The following PITPNC1 variants were observed in gnomAD, a reference collection of about 807,000 sequenced individuals.
PITPNC1 encodes cytoplasmic phosphatidylinositol transfer protein 1.
PITPNC1 carries 18 observed loss-of-function variants against 44.7 expected under a neutral mutation model. That is an observed-to-expected ratio of 0.40 (90% CI 0.28 to 0.60). The LOEUF (loss-of-function observed/expected upper bound fraction) is 0.60. PITPNC1 is among the 20% of genes least tolerant of loss of function. The pLI is 0.39. For synonymous variants in PITPNC1, 141 were observed against 149.6 expected, an observed-to-expected ratio of 0.94 and a Z score of 0.42; for missense variants, 290 against 418.4, an observed-to-expected ratio of 0.69 and a Z score of 2.68.
At chr17:67,438,931 C>G (rs137877259) in intron 1 of PITPNC1, among the ~76,000 whole-genome samples, 39 of 152,302 alleles carry the variant, frequency 2.6e-4, no homozygotes, top group Non-Finnish European at 5.0e-4. Flanking sequence ...CTTGGCCTGT[C>G]CTGTAGAAAG....
intron 1 of PITPNC1, among the ~76,000 whole-genome samples, chr17:67,477,260 T>G (rs2039643406): frequency 6.7e-6 from 1 of 148,974 alleles, no homozygotes; most frequent in Non-Finnish European, 1.5e-5. Context: ...TTTTTTTTTT[T>G]TTTGAGATGG....
At chr17:67,412,604 T>C (rs998614706) in intron 1 of PITPNC1, among the ~76,000 whole-genome samples, 1 of 152,150 alleles carries the variant, frequency 6.6e-6, no homozygotes, top group Non-Finnish European at 1.5e-5. Flanking sequence ...TTCGCTCTTG[T>C]TGTCCATGCT....
intron 1 of PITPNC1, among the ~76,000 whole-genome samples, chr17:67,518,992 C>G (rs969380202): frequency 6.6e-6 from 1 of 152,054 alleles, no homozygotes. Flanking sequence ...GTGGAGAAAT[C>G]AGAGCCCTCC....
At chr17:67,391,293 A>C (rs2038135369) in intron 1 of PITPNC1, among the ~76,000 whole-genome samples, 1 of 152,050 alleles carries the variant, frequency 6.6e-6, no homozygotes, top group Non-Finnish European at 1.5e-5. Flanking sequence ...AATGTTGTTT[A>C]AGTACCTAAT....
intron 1 of PITPNC1, among the ~76,000 whole-genome samples, chr17:67,391,581 A>G (rs2038140205): frequency 6.6e-6 from 1 of 152,046 alleles, no homozygotes; most frequent in Non-Finnish European, 1.5e-5. Flanking sequence ...CCTGGGTTCA[A>G]GTGATTCTCC....
In PITPNC1 at chr17:67,490,314, C is replaced by T. The variant is rs73996724; in HGVS notation, c.49-42488C>T. ...TAACCAGGGATAATGAATTATTTAACTTGGCAGGATCTCAGTTTGTTGTTG... is the reference window on the plus strand; with the variant it reads ...TAACCAGGGATAATGAATTATTTAATTTGGCAGGATCTCAGTTTGTTGTTG... On this transcript the variant is annotated intron_variant, in intron 1 of 8. Coordinates refer to ENST00000581322, the MANE Select transcript of PITPNC1 (RefSeq NM_012417.4). Among the ~76,000 whole-genome samples, 937 of 151,940 alleles carry T rather than the reference C, an allele frequency of 6.2e-3. 13 individuals are homozygous for T. The highest frequency in any genetic ancestry group is 0.022 in the African/African-American group (918 of 41,442).
chr17:67,453,117 G>A (rs946847558), intron 1 of PITPNC1, among the ~76,000 whole-genome samples: 8 of 152,066 alleles, frequency 5.3e-5, no homozygotes, highest in East Asian at 3.8e-4. Flanking sequence ...TATTGTGTCC[G>A]GGGGCAGGGT....
chr17:67,567,696 C>T lies in PITPNC1; in HGVS notation c.295-10490C>T, dbSNP rs571960036. Reference sequence around the variant, plus strand: ...CACTCAAGAGAAATGAAAACATGGCCGGGCGCAGTGGCTCACACCTGTAAT... The same window carrying T: ...CACTCAAGAGAAATGAAAACATGGCTGGGCGCAGTGGCTCACACCTGTAAT... On this transcript the variant is annotated intron_variant, in intron 4 of 8. Transcript: ENST00000581322. Among the ~76,000 whole-genome samples the T allele has an allele frequency of 5.8e-4, 88 of 152,024 alleles. No individual in the cohort carries two copies. The Middle Eastern group carries it at 0.01, about 18-fold the overall frequency.
chr17:67,505,748 T>C (rs1052093898), intron 1 of PITPNC1, among the ~76,000 whole-genome samples: 1 of 152,170 alleles, frequency 6.6e-6, no homozygotes, highest in African/African-American at 2.4e-5. Flanking sequence ...GTGTTGGGAT[T>C]ACAGACGTGA....
At chr17:67,425,251 A>C (rs2038744100) in intron 1 of PITPNC1, among the ~76,000 whole-genome samples, 1 of 144,008 alleles carries the variant, frequency 6.9e-6, no homozygotes. Flanking sequence ...ACACACACAC[A>C]CACACACACA....
chr17:67,495,350 G>A (rs971482138), intron 1 of PITPNC1, among the ~76,000 whole-genome samples: 3 of 152,038 alleles, frequency 2.0e-5, no homozygotes, highest in African/African-American at 7.2e-5. Flanking sequence ...GAGCCACCGC[G>A]CCCGGCCTCT....
intron 1 of PITPNC1, among the ~76,000 whole-genome samples, chr17:67,400,253 G>A (rs1296023929): frequency 1.3e-5 from 2 of 152,162 alleles, no homozygotes; most frequent in Non-Finnish European, 2.9e-5. Context: ...AGTCATAAAG[G>A]CTTAAGGATT....
At chr17:67,540,858 T>C (rs2040596683) in intron 2 of PITPNC1, among the ~76,000 whole-genome samples, 1 of 152,208 alleles carries the variant, frequency 6.6e-6, no homozygotes, top group Non-Finnish European at 1.5e-5. Context: ...TCTGGCTAAA[T>C]ATCTAGAAGA....
chr17:67,475,069 G>A (rs1057179545), intron 1 of PITPNC1, among the ~76,000 whole-genome samples: 2 of 152,228 alleles, frequency 1.3e-5, no homozygotes, highest in Non-Finnish European at 2.9e-5. Flanking sequence ...CGCTATGGAT[G>A]AGGGAGGGCC....
At chr17:67,440,928 AAACAACAGC>A (rs2039003712) in intron 1 of PITPNC1, among the ~76,000 whole-genome samples, 1 of 152,230 alleles carries the variant, frequency 6.6e-6, no homozygotes, top group South Asian at 2.1e-4. Context: ...AATACCAAAT[AAACAACAGC>A]TTTAAATATT....
intron 1 of PITPNC1, among the ~76,000 whole-genome samples, chr17:67,479,060 A>G (rs1352934409): frequency 1.3e-5 from 2 of 152,094 alleles, no homozygotes; most frequent in Non-Finnish European, 2.9e-5. Context: ...ACAAAGAAAC[A>G]GATTTCTCTG....
chr17:67,379,012 C>T, intron 1 of PITPNC1: 1 of 985,500 alleles, frequency 1.0e-6, no homozygotes, highest in Non-Finnish European at 1.2e-6. Flanking sequence ...CCTGCGAAGC[C>T]GCGAGCTCCA....
chr17:67,409,387 A>G (rs765299023), intron 1 of PITPNC1, among the ~76,000 whole-genome samples: 71 of 151,922 alleles, frequency 4.7e-4, no homozygotes, highest in Admixed American at 1.4e-3. Context: ...CCCGGCCCCA[A>G]ATTCATTCTT....
rs551532913 is a variant in PITPNC1 at position 67,515,562 on chromosome 17, C to T, written c.49-17240C>T. Among the ~76,000 whole-genome samples the T allele has an allele frequency of 8.5e-5, 13 of 152,276 alleles. No homozygotes were observed. The South Asian group carries it at 2.7e-3, about 32-fold the overall frequency. On this transcript the variant is annotated intron_variant, in intron 1 of 8. Coordinates refer to ENST00000581322, the MANE Select transcript of PITPNC1 (RefSeq NM_012417.4). Reference sequence around the variant, plus strand: ...GAAGACTATGAATATGCGATTCCTGCCTCCCCAAATGCCATTAGGAATCTA... The same window carrying T: ...GAAGACTATGAATATGCGATTCCTGTCTCCCCAAATGCCATTAGGAATCTA...
Sources: allele counts gnomAD v4.1 joint callset (sites outside exome capture counted in the v4.1 genomes callset), GRCh38; gene constraint gnomAD v4.1.1; transcripts MANE v1.5; gene names NCBI Gene and HGNC (gene_info 2026-07-23, HGNC 2026-07-21).